The following DAB1 variants were observed in gnomAD, a reference collection of about 807,000 sequenced individuals.
The protein encoded by DAB1 is DAB adaptor protein 1, also known as disabled homolog 1.
In DAB1, 15 loss-of-function variants were observed where a neutral mutation model predicts 64.6. The observed-to-expected ratio is 0.23, with a 90% CI of 0.16 to 0.36. The LOEUF (loss-of-function observed/expected upper bound fraction) is 0.36, where lower values mean the gene tolerates loss of function less well. Ranked by LOEUF, DAB1 falls within the 10% of genes least tolerant of loss-of-function variation. The pLI, the probability that DAB1 is intolerant of heterozygous loss-of-function variation, is 1.00. For synonymous variants in DAB1, 235 were observed against 251.9 expected (o/e 0.93, Z 0.64); for missense variants, 596 against 706.7 (o/e 0.84, Z 1.78).
intron 6 of DAB1, among the ~76,000 whole-genome samples, chr1:57,720,719 T>C (rs1287484448): frequency 2.0e-5 from 3 of 152,218 alleles, no homozygotes; most frequent in Admixed American, 1.3e-4. Context: ...GTTTATTTAT[T>C]TATTTATTTT....
At chr1:58,545,465 C>A (rs12125391) in intron 1 of DAB1, among the ~76,000 whole-genome samples, 98,762 of 151,942 alleles carry the variant, frequency 0.65, 34,180 homozygotes, top group East Asian at 0.94. Context: ...GAAATCTATT[C>A]ATGCATTTTC....
intron 2 of DAB1, among the ~76,000 whole-genome samples, chr1:57,232,981 T>C (rs563906036): frequency 2.2e-4 from 33 of 152,296 alleles, no homozygotes; most frequent in African/African-American, 7.0e-4. Context: ...TTCCTTTCCC[T>C]CCTTGAAGGT....
intron 5 of DAB1, among the ~76,000 whole-genome samples, chr1:58,111,620 T>C (rs1488796001): frequency 6.6e-6 from 1 of 152,180 alleles, no homozygotes; most frequent in Non-Finnish European, 1.5e-5. Context: ...GAAATGTCTT[T>C]CTCTGTTCTT....
intron 1 of DAB1, among the ~76,000 whole-genome samples, chr1:57,333,645 T>G (rs1403089808): frequency 2.6e-5 from 4 of 152,226 alleles, no homozygotes; most frequent in Non-Finnish European, 5.9e-5. Context: ...TCAAAGCCAC[T>G]CCAGCTCCCT....
intron 2 of DAB1, among the ~76,000 whole-genome samples, chr1:58,516,682 A>G (rs1413214235): frequency 6.6e-6 from 1 of 152,174 alleles, no homozygotes; most frequent in African/African-American, 2.4e-5. Flanking sequence ...CATGAGTAAC[A>G]TCGTTTTTGT....
intron 3 of DAB1, among the ~76,000 whole-genome samples, chr1:58,385,049 T>C (rs1231105003): frequency 6.6e-6 from 1 of 152,154 alleles, no homozygotes; most frequent in East Asian, 1.9e-4. Context: ...GTATTAACCA[T>C]CACAGAGGGT....
Position 57,194,610 on chromosome 1 carries a change from C to T in DAB1, c.68-49181G>A, listed in dbSNP as rs72672686. ...GGTTAAGAAACAAAATCCATTAACA[C>T]CTGAGGTGTATAAAATTCTTTCACT... On this transcript the variant is annotated intron_variant, in intron 2 of 14. Coordinates refer to ENST00000371236, the MANE Select transcript of DAB1 (RefSeq NM_001365792.1). Among the ~76,000 whole-genome samples the T allele has an allele frequency of 2.0e-5, 3 of 152,116 alleles. No individual in the cohort carries two copies. In the East Asian group the frequency reaches 5.8e-4, roughly 29 times the overall value.
chr1:58,384,052 G>C (rs1486610554), intron 3 of DAB1, among the ~76,000 whole-genome samples: 1 of 150,444 alleles, frequency 6.6e-6, no homozygotes, highest in Non-Finnish European at 1.5e-5. Flanking sequence ...GTTATCTTTT[G>C]TTGTTGTTTT....
At chr1:57,704,993 G>T (rs970488194) in intron 6 of DAB1, among the ~76,000 whole-genome samples, 4 of 151,280 alleles carry the variant, frequency 2.6e-5, no homozygotes, top group African/African-American at 9.7e-5. Context: ...AGGATTAAAA[G>T]TCTGGGAAAA....
intron 3 of DAB1, among the ~76,000 whole-genome samples, chr1:58,414,933 G>A (rs530424020): frequency 2.6e-4 from 40 of 152,188 alleles, no homozygotes; most frequent in Non-Finnish European, 5.0e-4. Flanking sequence ...AAATATTTGG[G>A]TAACAACAAA....
intron 4 of DAB1, among the ~76,000 whole-genome samples, chr1:57,119,854 A>G (rs759385075): frequency 3.9e-5 from 6 of 152,166 alleles, no homozygotes. Context: ...TGACTGCCCA[A>G]TCAGTCTCCC....
At chr1:58,365,420 T>G (rs1391575559) in intron 3 of DAB1, among the ~76,000 whole-genome samples, 1 of 152,216 alleles carries the variant, frequency 6.6e-6, no homozygotes, top group Non-Finnish European at 1.5e-5. Flanking sequence ...CCACTTCAGA[T>G]GCAAAGAGCC....
chr1:58,045,275 C>T (rs143854854), intron 5 of DAB1, among the ~76,000 whole-genome samples: 282 of 152,282 alleles, frequency 1.9e-3, no homozygotes, highest in African/African-American at 6.1e-3. Context: ...GACGGGTCTG[C>T]TGGCAGGGGC....
intron 2 of DAB1, among the ~76,000 whole-genome samples, chr1:57,215,391 G>A (rs74607482): frequency 0.015 from 2,355 of 152,254 alleles, 47 homozygotes; most frequent in African/African-American, 0.054. Context: ...TGGGAGAAGA[G>A]GAAACAAAGT....
chr1:57,131,201 T>C (rs1199460082), intron 4 of DAB1, among the ~76,000 whole-genome samples: 1 of 152,154 alleles, frequency 6.6e-6, no homozygotes. Context: ...AGAGTTCTAA[T>C]TTGAATTCAA....
chr1:58,217,504 C>T (rs1658920771), intron 4 of DAB1, among the ~76,000 whole-genome samples: 1 of 152,226 alleles, frequency 6.6e-6, no homozygotes, highest in Admixed American at 6.5e-5. Context: ...TTTTCCTACA[C>T]TCAACCATTC....
intron 7 of DAB1, among the ~76,000 whole-genome samples, chr1:57,439,717 G>A (rs974300482): frequency 6.6e-5 from 10 of 151,318 alleles, no homozygotes; most frequent in Non-Finnish European, 1.0e-4. Flanking sequence ...GTGAGCCACC[G>A]CACCCGGCCA....
intron 1 of DAB1, among the ~76,000 whole-genome samples, chr1:57,359,967 G>T (rs1679419762): frequency 6.6e-6 from 1 of 151,870 alleles, no homozygotes; most frequent in Non-Finnish European, 1.5e-5. Flanking sequence ...GGGCAATATT[G>T]GTCAAATTAT....
chr1:57,736,552 G>C (rs1647700171), intron 6 of DAB1, among the ~76,000 whole-genome samples: 1 of 152,166 alleles, frequency 6.6e-6, no homozygotes, highest in Non-Finnish European at 1.5e-5. Flanking sequence ...TCACCCCTTT[G>C]AGGATCAGTT....
Sources: allele counts gnomAD v4.1 joint callset (sites outside exome capture counted in the v4.1 genomes callset), GRCh38; gene constraint gnomAD v4.1.1; transcripts MANE v1.5; gene names NCBI Gene and HGNC (gene_info 2026-07-23, HGNC 2026-07-21).